The following TRMT5 variants were observed in gnomAD, a reference collection of about 807,000 sequenced individuals.
The protein encoded by TRMT5 is tRNA methyltransferase 5.
Under a neutral mutation model 42.2 loss-of-function variants are expected in TRMT5, and 31 were observed. The observed-to-expected ratio is 0.73, with a 90% CI of 0.55 to 0.99. The LOEUF (loss-of-function observed/expected upper bound fraction) is 0.99, where lower values mean the gene tolerates loss of function less well. TRMT5 is among the 50% of genes least tolerant of loss of function. The pLI is 0.00. For missense variants in TRMT5, 568 were observed against 595.0 expected (o/e 0.95, Z 0.47); for synonymous variants, 198 against 209.6 (o/e 0.94, Z 0.48).
intron 3 of TRMT5, 128 bp downstream of exon 3, chr14:60,977,386 T>C: frequency 2.3e-6 from 2 of 876,704 alleles, no homozygotes; most frequent in South Asian, 2.6e-5. Flanking sequence ...ATCAATAGCA[T>C]ACATAAGTGA....
rs760108894 is a variant in TRMT5, at chr14:60,975,081, G to T, written c.*28C>A. ...ATTCTATTTCACTACATGTAAGTCT[G>T]GTAGGGAGATGGAGAAAACATTTCC... On this transcript the variant is annotated 3_prime_UTR_variant, in exon 5 of 5. Transcript: ENST00000261249. The T allele has an allele frequency of 6.4e-7, 1 of 1,551,226 alleles. No homozygotes were observed. The highest frequency in any genetic ancestry group is 1.4e-5 in the African/African-American group (1 of 72,856).
chr14:60,981,498 G>A, upstream of TRMT5: 1 of 1,535,974 alleles, frequency 6.5e-7, no homozygotes, highest in Non-Finnish European at 8.7e-7. Context: ...GCTGGAGCCT[G>A]AACCCTGGGG....
At chr14:60,977,768 T>G in intron 2 of TRMT5, 130 bp from the exon 3 acceptor site, 1 of 801,258 alleles carries the variant, frequency 1.2e-6, no homozygotes, top group African/African-American at 1.8e-5. Flanking sequence ...GTGTGTAATG[T>G]GGCATGCAAT....
chr14:60,975,352 C>A lies in TRMT5; in HGVS notation c.1444+123G>T, dbSNP rs76365172. 6.3e-4 allele frequency: 866 copies of A among 1,368,050 alleles called. 16 individuals carry two copies. In the East Asian group the frequency reaches 0.019, roughly 31 times the overall value. 84.7% of individuals were successfully genotyped at this position (1,368,050 alleles called of 1,614,324 possible). Reference sequence around the variant, plus strand: ...TTTAATGAAATAGCCTTCTATTAGACTGAACTAACACAGTAGCTTTCTATT... The same window carrying A: ...TTTAATGAAATAGCCTTCTATTAGAATGAACTAACACAGTAGCTTTCTATT... On this transcript the variant is annotated intron_variant, in intron 4 of 4. Transcript: ENST00000261249.
chr14:60,976,751 C>T (rs145125403), intron 3 of TRMT5, among the ~76,000 whole-genome samples: 90 of 152,280 alleles, frequency 5.9e-4, no homozygotes, highest in Admixed American at 3.9e-3. Context: ...TTCTCTTTCC[C>T]AAATTTGAGT....
In TRMT5 at chr14:60,972,487, G is replaced by A. The variant is rs1462307435; in HGVS notation, c.*2622C>T. The A allele has an allele frequency of 6.4e-6, 3 of 466,284 alleles. No homozygotes were observed. The highest frequency in any genetic ancestry group is 6.1e-5 in the East Asian group (1 of 16,526). 28.9% of individuals were successfully genotyped at this position (466,284 alleles called of 1,614,324 possible). On this transcript the variant is annotated 3_prime_UTR_variant, in exon 5 of 5. Transcript: ENST00000261249. ...GGCATGGCGGCGGCGGCGGCGGCGG[G>A]ATGTGGGCACCGGGTGTGGGACGCA...
upstream of TRMT5, chr14:60,981,080 G>A: frequency 6.2e-7 from 1 of 1,603,664 alleles, no homozygotes; most frequent in Non-Finnish European, 8.5e-7. Flanking sequence ...GGTCTTCTAT[G>A]ACATCATCAC....
At chr14:60,977,483 A>G (rs769246113) in intron 3 of TRMT5, 31 bp downstream of exon 3, 6 of 1,581,190 alleles carry the variant, frequency 3.8e-6, no homozygotes, top group South Asian at 3.5e-5. Context: ...TAATATTGAT[A>G]TACACCTTAC....
In TRMT5 at chr14:60,972,186, T is replaced by C; in HGVS notation, c.*2923A>G. ...AATTCTGCATTTTTATAAAACTTGA[T>C]AAAGAATATTTCAAACTGTACAGTC... On this transcript the variant is annotated 3_prime_UTR_variant, in exon 5 of 5. Coordinates refer to ENST00000261249, the MANE Select transcript of TRMT5 (RefSeq NM_020810.3). 6.6e-6 allele frequency: 3 copies of C among 453,712 alleles called. No individual in the cohort carries two copies. Among genetic ancestry groups the C allele is most frequent in the South Asian group, 5.0e-5 (3 of 59,496 alleles). The allele number at this position is 453,712 out of a possible 1,614,324, so 28.1% of individuals were successfully genotyped here.
Position 60,981,063 on chromosome 14 carries a change from ATGGGCGGG to A in TRMT5, c.-98_-91del. On this transcript the variant is annotated 5_prime_UTR_variant, in exon 1 of 5. Transcript: ENST00000261249. ...CCGATCGGATGTGGGTCGCGGGTGG[ATGGGCGGG>A]TCTTCTATGACATCATCACTGTTCG... 6.2e-7 allele frequency: 1 copy of A among 1,606,866 alleles called. No individual in the cohort carries two copies. The highest frequency in any genetic ancestry group is 8.5e-7 in the Non-Finnish European group (1 of 1,179,726).
chr14:60,975,010 G>T lies in TRMT5; in HGVS notation c.*99C>A, dbSNP rs1426091822. 4 of 906,430 alleles carry T rather than the reference G, an allele frequency of 4.4e-6. No individual in the cohort carries two copies. The highest frequency in any genetic ancestry group is 6.6e-6 in the Non-Finnish European group (4 of 607,328). The allele number at this position is 906,430 out of a possible 1,614,324, so 56.1% of individuals were successfully genotyped here. On this transcript the variant is annotated 3_prime_UTR_variant, in exon 5 of 5. Coordinates refer to ENST00000261249, the MANE Select transcript of TRMT5 (RefSeq NM_020810.3). Reference sequence around the variant, plus strand: ...TTGTAAAATAAGGCAAAGTACAAGGGTTCAATAGTAAAAACCAAACCCTAA... The same window carrying T: ...TTGTAAAATAAGGCAAAGTACAAGGTTTCAATAGTAAAAACCAAACCCTAA...
chr14:60,979,172 TA>T, intron 2 of TRMT5, 58 bp downstream of exon 2: 1 of 1,453,900 alleles, frequency 6.9e-7, no homozygotes. Flanking sequence ...TTTTTAAAGC[TA>T]AAATTAACAA....
In TRMT5 at chr14:60,979,335, G is replaced by T. The variant is rs775836195; in HGVS notation, c.563C>A (p.Ala188Asp). The T allele has an allele frequency of 3.2e-5, 52 of 1,613,932 alleles. No individual in the cohort carries two copies. The highest frequency in any genetic ancestry group is 1.9e-4 in the South Asian group (17 of 91,078). Residue 188 changes from alanine (A) to aspartate (D), a missense_variant, in exon 2 of 5, where the codon GCT (alanine) becomes GAT (aspartate). Coordinates refer to ENST00000261249, the MANE Select transcript of TRMT5 (RefSeq NM_020810.3). Reference sequence around the variant, plus strand: ...TACATCTTGACCTTCAGGAAGCACAGCTCTCAAGATTTCTTCTGACTTAAA... The same window carrying T: ...TACATCTTGACCTTCAGGAAGCACATCTCTCAAGATTTCTTCTGACTTAAA... ...EHFKSEEILR[A>D]VLPEGQDVTS...
In TRMT5 at chr14:60,979,530, ATGCCTGGGCGCTGCAATGC is replaced by A; in HGVS notation, c.349_367del (p.Ala117Ter). 1 of 1,614,192 alleles carries A rather than the reference ATGCCTGGGCGCTGCAATGC, an allele frequency of 6.2e-7. No homozygotes were observed. The highest frequency in any genetic ancestry group is 2.2e-5 in the East Asian group (1 of 44,888). ...TTCCGGATCTTCAATCACACGTCTT[ATGCCTGGGCGCTGCAATGC>A]TGCCCTTTTTAGGGATCGCATCAAT... On this transcript the variant is annotated frameshift_variant, in exon 2 of 5. Coordinates refer to ENST00000261249, the MANE Select transcript of TRMT5 (RefSeq NM_020810.3). LOFTEE classifies it high-confidence loss of function.
At chr14:60,981,527 C>A, upstream of TRMT5, 1 of 1,532,456 alleles carries the variant, frequency 6.5e-7, no homozygotes, top group East Asian at 2.5e-5. Context: ...CTGAAGGCAG[C>A]CGCCGAGATT....
chr14:60,978,825 T>C (rs1322564247), intron 2 of TRMT5, among the ~76,000 whole-genome samples: 1 of 152,172 alleles, frequency 6.6e-6, no homozygotes, highest in African/African-American at 2.4e-5. Flanking sequence ...GAGGCTCAAT[T>C]GGTTGAATCA....
rs2036809049 is a variant in TRMT5, at chr14:60,973,711, CTATT to C, written c.*1394_*1397del. 1.3e-5 allele frequency: 2 copies of C among 152,166 alleles called. No homozygotes were observed. The highest frequency in any genetic ancestry group is 6.5e-5 in the Admixed American group (1 of 15,274). The allele number at this position is 152,166 out of a possible 1,614,324, so 9.4% of individuals were successfully genotyped here. On this transcript the variant is annotated 3_prime_UTR_variant, in exon 5 of 5. Transcript: ENST00000261249. ...CAGAATCATTTCCTTTTTAAAGTGA[CTATT>C]TATGTCGCTTTCAATGTCCTTAACT... is the stretch of plus-strand genomic sequence containing the variant.
chr14:60,975,688 C>T lies in TRMT5; in HGVS notation c.1231G>A (p.Glu411Lys). ...WLLDGQPCSS[E>K]FLPIVHCYSF... is the part of the protein sequence containing the mutation. ...TAACAATGCACTATGGGAAGGAACT[C>T]ACTGCTGCATGGCTGCCCATCTAAA... The change falls in exon 4 of 5, where the codon GAG (glutamate) becomes AAG (lysine). Residue 411 changes from glutamate (E) to lysine (K), a missense_variant. Glu to Lys is a moderately conservative substitution (Grantham distance 56). Transcript: ENST00000261249. The T allele has an allele frequency of 6.2e-7, 1 of 1,614,208 alleles. No homozygotes were observed. The highest frequency in any genetic ancestry group is 1.7e-5 in the Admixed American group (1 of 60,026).
chr14:60,981,049 T>G lies in TRMT5; in HGVS notation c.-76A>C, dbSNP rs1244173729. Reference sequence around the variant, plus strand: ...CTCCCGCTCCGGTACCGATCGGATGTGGGTCGCGGGTGGATGGGCGGGTCT... The same window carrying G: ...CTCCCGCTCCGGTACCGATCGGATGGGGGTCGCGGGTGGATGGGCGGGTCT... On this transcript the variant is annotated 5_prime_UTR_variant, in exon 1 of 5. Coordinates refer to ENST00000261249, the MANE Select transcript of TRMT5 (RefSeq NM_020810.3). 1 of 1,608,988 alleles carries G rather than the reference T, an allele frequency of 6.2e-7. No homozygotes were observed. Among genetic ancestry groups the G allele is most frequent in the Non-Finnish European group, 8.5e-7 (1 of 1,179,936 alleles).
Sources: gnomAD v4.1 joint callset for allele counts (sites outside exome capture counted in the v4.1 genomes callset) on GRCh38, gnomAD v4.1.1 for gene constraint, MANE v1.5 for transcripts, NCBI Gene and HGNC (gene_info 2026-07-23, HGNC 2026-07-21) for gene names.